The following KLF12 variants were observed in gnomAD, a reference collection of about 807,000 sequenced individuals.
KLF12 encodes the protein Krueppel-like factor 12.
KLF12 carries 9 observed loss-of-function variants against 37.8 expected under a neutral mutation model. That is an observed-to-expected ratio of 0.24 (90% CI 0.14 to 0.42). The LOEUF is 0.42. Among genes scored for constraint, KLF12 ranks in the 10% least tolerant of loss-of-function variants. The probability of loss-of-function intolerance (pLI) is 1.00; values close to 1 mark genes in which losing one functional copy is unlikely to be tolerated. For missense variants in KLF12, 411 were observed against 516.0 expected (o/e 0.80, Z 1.97); for synonymous variants, 208 against 202.1 (o/e 1.03, Z -0.25).
intron 1 of KLF12, among the ~76,000 whole-genome samples, chr13:74,003,801 TGAA>T (rs1177445269): frequency 6.6e-6 from 1 of 152,176 alleles, no homozygotes; most frequent in Non-Finnish European, 1.5e-5. Context: ...GATAAAATCC[TGAA>T]GAATAAGTTA....
At chr13:73,740,381 T>C (rs1332761386) in intron 6 of KLF12, among the ~76,000 whole-genome samples, 4 of 152,216 alleles carry the variant, frequency 2.6e-5, no homozygotes, top group Non-Finnish European at 2.9e-5. Context: ...ATTTCTGTTA[T>C]ATGTAAGCCA....
At chr13:73,895,185 G>A (rs763858028) in intron 3 of KLF12, among the ~76,000 whole-genome samples, 4 of 152,118 alleles carry the variant, frequency 2.6e-5, no homozygotes, top group Non-Finnish European at 5.9e-5. Context: ...CCAAATCTAT[G>A]TTTTTAATTC....
the KLF12 span, among the ~76,000 whole-genome samples, chr13:74,183,656 T>C: frequency 6.6e-6 from 1 of 152,156 alleles, no homozygotes; most frequent in Non-Finnish European, 1.5e-5. Context: ...TCTCAGAAGC[T>C]GGGTGCAGGT....
intron 3 of KLF12, among the ~76,000 whole-genome samples, chr13:73,892,999 A>C (rs1455238622): frequency 6.6e-6 from 1 of 151,786 alleles, no homozygotes; most frequent in Non-Finnish European, 1.5e-5. Flanking sequence ...ATAATACACT[A>C]TGTTCAGAGG....
chr13:73,867,983 T>G (rs1476788564), intron 3 of KLF12, among the ~76,000 whole-genome samples: 1 of 148,500 alleles, frequency 6.7e-6, no homozygotes, highest in Non-Finnish European at 1.5e-5. Flanking sequence ...ATTGTGCTAT[T>G]GCACTCCAGC....
In KLF12 at chr13:73,937,909, T is replaced by TA. The variant is rs950280946; in HGVS notation, c.123+6071dup. On this transcript the variant is annotated intron_variant, in intron 3 of 7. Transcript: ENST00000377669. ...GCAAGAGCAGATATTTCTTTCCGCTTAAAAAAAAAAATGGTCTTCTCACAT... is the reference window on the plus strand; with the variant it reads ...GCAAGAGCAGATATTTCTTTCCGCTTAAAAAAAAAAAATGGTCTTCTCACAT... Among the ~76,000 whole-genome samples the TA allele has an allele frequency of 2.3e-3, 334 of 148,076 alleles. 2 individuals are homozygous for TA. The South Asian group carries it at 0.025, about 11-fold the overall frequency.
chr13:73,789,453 C>G (rs187458959), intron 5 of KLF12, among the ~76,000 whole-genome samples: 1 of 152,076 alleles, frequency 6.6e-6, no homozygotes, highest in Non-Finnish European at 1.5e-5. Context: ...CCTGAGAGAC[C>G]TGGGAGCCAG....
intron 1 of KLF12, among the ~76,000 whole-genome samples, chr13:74,120,250 G>A (rs1347684807): frequency 2.6e-5 from 4 of 152,252 alleles, no homozygotes; most frequent in Admixed American, 6.5e-5. Flanking sequence ...GGGAGGCCAA[G>A]GTGGGCGGAT....
At chr13:74,217,142 A>T in the KLF12 span, among the ~76,000 whole-genome samples, 1 of 152,152 alleles carries the variant, frequency 6.6e-6, no homozygotes, top group African/African-American at 2.4e-5. Flanking sequence ...CTTGGTTATC[A>T]GAACATTAAA....
intron 1 of KLF12, among the ~76,000 whole-genome samples, chr13:74,093,844 A>T (rs1025759163): frequency 2.6e-5 from 4 of 152,142 alleles, no homozygotes; most frequent in Non-Finnish European, 5.9e-5. Flanking sequence ...TTTGGTTTAA[A>T]TAGCAATCAA....
intron 3 of KLF12, among the ~76,000 whole-genome samples, chr13:73,866,542 C>A (rs1205522501): frequency 2.6e-5 from 4 of 151,746 alleles, no homozygotes; most frequent in Admixed American, 2.6e-4. Context: ...ATGACAGAAC[C>A]AGAAGACAAC....
chr13:74,241,199 A>T, the KLF12 span, among the ~76,000 whole-genome samples: 141 of 151,570 alleles, frequency 9.3e-4, no homozygotes, highest in Admixed American at 1.5e-3. Context: ...TGGAGTACCC[A>T]GCCATGTGAG....
intron 1 of KLF12, among the ~76,000 whole-genome samples, chr13:74,129,243 A>G (rs1454660740): frequency 1.3e-5 from 2 of 152,216 alleles, no homozygotes; most frequent in East Asian, 3.8e-4. Flanking sequence ...ATATAAAGTT[A>G]TGATTTTATT....
intron 6 of KLF12, among the ~76,000 whole-genome samples, chr13:73,751,543 T>C (rs1878756342): frequency 6.6e-6 from 1 of 151,920 alleles, no homozygotes; most frequent in South Asian, 2.1e-4. Context: ...CAAGCAATAT[T>C]TAGGAGGAGG....
intron 3 of KLF12, among the ~76,000 whole-genome samples, chr13:73,875,817 T>C (rs781698256): frequency 2.8e-4 from 42 of 152,324 alleles, no homozygotes; most frequent in Non-Finnish European, 5.0e-4. Context: ...CCTGATAAAC[T>C]AGTAAAACTA....
the KLF12 span, among the ~76,000 whole-genome samples, chr13:74,298,896 G>A: frequency 3.3e-5 from 5 of 152,150 alleles, no homozygotes; most frequent in Admixed American, 2.0e-4. Flanking sequence ...CTCAAACAGC[G>A]TTGTGAGAAT....
chr13:74,100,560 T>C (rs2138866375), intron 1 of KLF12, among the ~76,000 whole-genome samples: 1 of 152,180 alleles, frequency 6.6e-6, no homozygotes, highest in East Asian at 1.9e-4. Context: ...AGAGTTGCAG[T>C]GAGCCAAGAT....
At chr13:74,123,253 C>A (rs1238875214) in intron 1 of KLF12, among the ~76,000 whole-genome samples, 3 of 151,970 alleles carry the variant, frequency 2.0e-5, no homozygotes, top group African/African-American at 7.2e-5. Flanking sequence ...AAAAAATGTG[C>A]AAAAAGTTTT....
intron 2 of KLF12, among the ~76,000 whole-genome samples, chr13:73,964,678 T>C (rs1214021078): frequency 6.6e-6 from 1 of 151,252 alleles, no homozygotes; most frequent in East Asian, 1.9e-4. Flanking sequence ...GACCCCCCAA[T>C]TCTTTCAAAA....
Sources: allele counts gnomAD v4.1 joint callset (sites outside exome capture counted in the v4.1 genomes callset), GRCh38; gene constraint gnomAD v4.1.1; transcripts MANE v1.5; gene names NCBI Gene and HGNC (gene_info 2026-07-23, HGNC 2026-07-21).